The following MALRD1 variants were observed in gnomAD, a reference collection of about 807,000 sequenced individuals.
MALRD1 encodes MAM and LDL receptor class A domain containing 1.
A neutral mutation model predicts 242.1 loss-of-function variants in MALRD1; 247 were observed. The observed-to-expected ratio is 1.02, with a 90% confidence interval of 0.92 to 1.13. The LOEUF (loss-of-function observed/expected upper bound fraction) is 1.13. MALRD1 is among the 50% of genes most tolerant of loss of function. The pLI is 0.00. For missense variants in MALRD1, 2,989 were observed against 2,533.1 expected, an observed-to-expected ratio of 1.18 and a Z score of -3.86; for synonymous variants, 995 against 866.6, an observed-to-expected ratio of 1.15 and a Z score of -2.60.
At position 19,514,488 on chromosome 10, in the gene MALRD1, C is replaced by T. The variant is rs78201169; in HGVS notation, c.5320+15842C>T. Among the ~76,000 whole-genome samples the T allele has an allele frequency of 7.1e-3, 1,086 of 152,056 alleles. 7 individuals carry two copies. The highest frequency in any genetic ancestry group is 0.01 in the Admixed American group (160 of 15,280). On this transcript the variant is annotated intron_variant, in intron 31 of 39. Coordinates refer to ENST00000454679, the MANE Select transcript of MALRD1 (RefSeq NM_001142308.3). ...AGGAAAACTCCCTAAGTTAGTTCAACGTCAAAAGATCCTAATTTAGACTTT... is the reference window on the plus strand; with the variant it reads ...AGGAAAACTCCCTAAGTTAGTTCAATGTCAAAAGATCCTAATTTAGACTTT...
chr10:19,663,538 A>T (rs1046419088), intron 36 of MALRD1, among the ~76,000 whole-genome samples: 1 of 152,148 alleles, frequency 6.6e-6, no homozygotes, highest in African/African-American at 2.4e-5. Flanking sequence ...CTTTGGGTAG[A>T]TAGCCAGTAG....
At chr10:19,509,276 CA>C (rs1833289257) in intron 31 of MALRD1, among the ~76,000 whole-genome samples, 1 of 152,070 alleles carries the variant, frequency 6.6e-6, no homozygotes. Flanking sequence ...GTTTATGAGC[CA>C]AAAACAAGCA....
At chr10:19,256,979 T>C (rs1839541465) in intron 18 of MALRD1, among the ~76,000 whole-genome samples, 1 of 152,112 alleles carries the variant, frequency 6.6e-6, no homozygotes, top group Non-Finnish European at 1.5e-5. Flanking sequence ...TTAAAATAAT[T>C]CATCATGATC....
At chr10:19,555,884 A>G (rs1332445429) in intron 32 of MALRD1, among the ~76,000 whole-genome samples, 2 of 152,152 alleles carry the variant, frequency 1.3e-5, no homozygotes, top group East Asian at 1.9e-4. Flanking sequence ...AAAGTCCAAA[A>G]TTAGAGATAG....
intron 36 of MALRD1, among the ~76,000 whole-genome samples, chr10:19,646,693 C>A (rs1215496896): frequency 6.6e-6 from 1 of 152,112 alleles, no homozygotes; most frequent in Non-Finnish European, 1.5e-5. Flanking sequence ...GAGGTAAGTA[C>A]TGTTTATCTC....
At chr10:19,676,076 A>G (rs1222288328) in intron 36 of MALRD1, among the ~76,000 whole-genome samples, 1 of 152,210 alleles carries the variant, frequency 6.6e-6, no homozygotes, top group Non-Finnish European at 1.5e-5. Flanking sequence ...GTATGAGAGT[A>G]TGTTTCTTGG....
intron 2 of MALRD1, among the ~76,000 whole-genome samples, chr10:19,075,994 G>A (rs552690264): frequency 1.3e-5 from 2 of 151,960 alleles, no homozygotes; most frequent in African/African-American, 2.4e-5. Flanking sequence ...TCTAAAAGTC[G>A]TCTGGAGACC....
At chr10:19,612,673 G>A (rs570145567) in intron 35 of MALRD1, among the ~76,000 whole-genome samples, 1 of 152,030 alleles carries the variant, frequency 6.6e-6, no homozygotes, top group East Asian at 1.9e-4. Flanking sequence ...ACAGGATTCT[G>A]CTTCTAAGCT....
At chr10:19,231,388 T>C (rs1191962858) in intron 18 of MALRD1, among the ~76,000 whole-genome samples, 2 of 152,222 alleles carry the variant, frequency 1.3e-5, no homozygotes, top group Non-Finnish European at 2.9e-5. Flanking sequence ...ACAGGGAATC[T>C]GGCCTCAGAC....
At chr10:19,182,622 A>G (rs1338081500) in intron 14 of MALRD1, among the ~76,000 whole-genome samples, 2 of 151,748 alleles carry the variant, frequency 1.3e-5, no homozygotes, top group African/African-American at 4.8e-5. Flanking sequence ...GAGCCACTGC[A>G]CCCGGCCCAA....
chr10:19,200,305 C>T (rs1278941006), intron 14 of MALRD1, among the ~76,000 whole-genome samples: 1 of 152,198 alleles, frequency 6.6e-6, no homozygotes, highest in Non-Finnish European at 1.5e-5. Context: ...AAAATTACTA[C>T]TCACATGCTC....
intron 36 of MALRD1, among the ~76,000 whole-genome samples, chr10:19,679,567 G>A (rs901705106): frequency 3.3e-5 from 5 of 151,740 alleles, no homozygotes; most frequent in Non-Finnish European, 4.4e-5. Flanking sequence ...TATTAGTCTA[G>A]CTAGTGGTCT....
At chr10:19,251,412 C>T (rs1275757387) in intron 18 of MALRD1, among the ~76,000 whole-genome samples, 1 of 151,956 alleles carries the variant, frequency 6.6e-6, no homozygotes, top group Non-Finnish European at 1.5e-5. Flanking sequence ...GCAGCCTATT[C>T]CAGCTAGAGT....
chr10:19,627,736 C>G (rs1383945833), intron 36 of MALRD1, among the ~76,000 whole-genome samples: 3 of 144,288 alleles, frequency 2.1e-5, no homozygotes, highest in Non-Finnish European at 4.5e-5. Flanking sequence ...GCACTCCAGC[C>G]TGGGCGACAG....
chr10:19,055,827 A>G (rs968419027), intron 1 of MALRD1, among the ~76,000 whole-genome samples: 2 of 152,198 alleles, frequency 1.3e-5, no homozygotes, highest in Admixed American at 6.5e-5. Context: ...GAGAGGAACA[A>G]CAGACACTGG....
At chr10:19,247,405 T>C (rs1249226443) in intron 18 of MALRD1, among the ~76,000 whole-genome samples, 1 of 151,948 alleles carries the variant, frequency 6.6e-6, no homozygotes, top group Non-Finnish European at 1.5e-5. Context: ...CTTCTGAAGG[T>C]ATAAACCACC....
At chr10:19,332,946 C>T (rs1186067950) in intron 24 of MALRD1, among the ~76,000 whole-genome samples, 2 of 152,036 alleles carry the variant, frequency 1.3e-5, no homozygotes, top group Non-Finnish European at 1.5e-5. Context: ...CATAGGTATA[C>T]ACATGCCATG....
At chr10:19,341,622 C>T (rs946040661) in intron 24 of MALRD1, among the ~76,000 whole-genome samples, 1 of 150,496 alleles carries the variant, frequency 6.6e-6, no homozygotes, top group African/African-American at 2.4e-5. Context: ...GATTAGTGTT[C>T]CAGCAAAAAG....
At chr10:19,270,484 C>G (rs190204456) in intron 19 of MALRD1, among the ~76,000 whole-genome samples, 202 of 151,742 alleles carry the variant, frequency 1.3e-3, no homozygotes, top group African/African-American at 4.6e-3. Flanking sequence ...ATTTAAATGT[C>G]AAGCTGAGCT....
Sources: gnomAD v4.1 joint callset for allele counts (sites outside exome capture counted in the v4.1 genomes callset) on GRCh38, gnomAD v4.1.1 for gene constraint, MANE v1.5 for transcripts, NCBI Gene and HGNC (gene_info 2026-07-23, HGNC 2026-07-21) for gene names.